Variants in ANKRD36C observed in about 807,000 individuals in gnomAD.
The protein encoded by ANKRD36C is ankyrin repeat domain-containing protein 36C.
A neutral mutation model predicts 276.4 loss-of-function variants in ANKRD36C; 61 were observed. The ratio of observed to expected loss-of-function variants is 0.22; its 90% confidence interval spans 0.18 to 0.27. The LOEUF (loss-of-function observed/expected upper bound fraction) is 0.27, where lower values mean the gene tolerates loss of function less well. Ranked by LOEUF, ANKRD36C falls within the 10% of genes least tolerant of loss-of-function variation. The pLI is 1.00. For synonymous variants in ANKRD36C, 483 were observed against 680.1 expected (o/e 0.71, Z 4.51); for missense variants, 1,447 against 2,032.3 (o/e 0.71, Z 5.54).
chr2:95,944,458 C>G (rs549274639), intron 19 of ANKRD36C, among the ~76,000 whole-genome samples, 169 bp downstream of exon 19: 1 of 152,054 alleles, frequency 6.6e-6, no homozygotes, highest in African/African-American at 2.4e-5. Flanking sequence ...TCCTTGTCAT[C>G]GTTATAAAGA....
At chr2:95,965,298 C>A (rs1410794751) in intron 6 of ANKRD36C, among the ~76,000 whole-genome samples, 1 of 151,762 alleles carries the variant, frequency 6.6e-6, no homozygotes, top group African/African-American at 2.4e-5. Flanking sequence ...TCTTCAAGGG[C>A]CTATTTGTCA....
intron 25 of ANKRD36C, 41 bp from the exon 26 acceptor site, chr2:95,929,185 G>A (rs1449636850): frequency 1.3e-6 from 2 of 1,597,950 alleles, no homozygotes; most frequent in South Asian, 1.1e-5. Context: ...ATGTAAAGTA[G>A]GTTTCATAGA....
intron 64 of ANKRD36C, 112 bp from the exon 85 acceptor site, chr2:95,852,308 T>G (rs984943516): frequency 1.2e-5 from 10 of 851,174 alleles, no homozygotes; most frequent in African/African-American, 8.7e-5. Flanking sequence ...AGAATCTTTT[T>G]TATTTATAAA....
Position 95,910,457 on chromosome 2 carries a change from T to A in ANKRD36C, c.2653+1787A>T. On this transcript the variant is annotated intron_variant, in intron 42 of 66. Transcript: ENST00000456556. ...TCGTCACTTGTAGCCTGAATAGAAT[T>A]TGAAACGAAATAATAAATAAATAAA... 4 of 1,578,968 alleles carry A rather than the reference T, an allele frequency of 2.5e-6. No homozygotes were observed. The highest frequency in any genetic ancestry group is 3.4e-6 in the Non-Finnish European group (4 of 1,162,754).
At chr2:95,978,354 T>C (rs1678854574) in intron 5 of ANKRD36C, among the ~76,000 whole-genome samples, 165 bp from the exon 6 acceptor site, 2 of 152,072 alleles carry the variant, frequency 1.3e-5, no homozygotes, top group Admixed American at 1.3e-4. Flanking sequence ...TCTAATTAAA[T>C]AATAATAACA....
chr2:95,910,204 T>C (rs1573757026), intron 42 of ANKRD36C, among the ~76,000 whole-genome samples, 169 bp downstream of exon 46: 1 of 151,444 alleles, frequency 6.6e-6, no homozygotes, highest in East Asian at 2.0e-4. Context: ...AAGGTCATGT[T>C]CCAGACCAGC....
intron 36 of ANKRD36C, among the ~76,000 whole-genome samples, chr2:95,917,387 C>CT (rs1309239283): frequency 6.6e-6 from 1 of 151,586 alleles, no homozygotes; most frequent in East Asian, 2.0e-4. Flanking sequence ...GACAATCCAT[C>CT]ATCCTTTGGA....
chr2:95,902,012 T>C (rs1467924797), intron 42 of ANKRD36C, among the ~76,000 whole-genome samples: 2 of 146,360 alleles, frequency 1.4e-5, no homozygotes, highest in African/African-American at 5.0e-5. Flanking sequence ...AAAATGACCA[T>C]TTTAGGAGTT....
intron 60 of ANKRD36C, among the ~76,000 whole-genome samples, chr2:95,860,486 T>C (rs1267638985): frequency 6.6e-6 from 1 of 152,208 alleles, no homozygotes; most frequent in Non-Finnish European, 1.5e-5. Context: ...GTTTGCAGCA[T>C]GTGCTGTGCT....
chr2:95,931,264 CCT>C (rs1677560723), intron 24 of ANKRD36C, among the ~76,000 whole-genome samples: 2 of 151,348 alleles, frequency 1.3e-5, no homozygotes, highest in East Asian at 3.9e-4. Context: ...CCCATTGCCT[CCT>C]CTCTCCCATA....
At chr2:95,934,235 T>C (rs7561235) in intron 24 of ANKRD36C, among the ~76,000 whole-genome samples, 130,117 of 151,988 alleles carry the variant, frequency 0.86, 56,106 homozygotes, top group African/African-American at 0.96. Flanking sequence ...CCATTTGACT[T>C]AGCAATCCCA....
exon 36 of ANKRD36C, chr2:95,917,915 C>T (rs1402531428): frequency 1.9e-6 from 3 of 1,606,716 alleles, no homozygotes; most frequent in East Asian, 2.3e-5. Flanking sequence ...GAATCTTCCT[C>T]GTCAGTTGTA....
At chr2:95,967,096 G>C (rs1210045823) in intron 6 of ANKRD36C, among the ~76,000 whole-genome samples, 1 of 152,152 alleles carries the variant, frequency 6.6e-6, no homozygotes, top group African/African-American at 2.4e-5. Flanking sequence ...CATGTCATCT[G>C]CAAACAGAGA....
intron 19 of ANKRD36C, among the ~76,000 whole-genome samples, chr2:95,941,912 A>G (rs2104465173): frequency 6.6e-6 from 1 of 152,428 alleles, no homozygotes; most frequent in South Asian, 2.1e-4. Context: ...GGTAGAAAAT[A>G]CAAAATTTGG....
chr2:95,891,770 A>C (rs940588431), intron 45 of ANKRD36C, 33 bp from the exon 66 acceptor site: 4 of 1,563,276 alleles, frequency 2.6e-6, no homozygotes, highest in East Asian at 2.4e-5. Flanking sequence ...TAATAAATTA[A>C]TAAAGTATGT....
exon 63 of ANKRD36C, chr2:95,856,146 T>C (rs1457931473): frequency 7.5e-6 from 12 of 1,607,102 alleles, no homozygotes; most frequent in South Asian, 1.1e-5. Context: ...GCGGTTTTCA[T>C]GCAGCAGGTC....
At chr2:95,990,305 T>C (rs1186899438) in intron 1 of ANKRD36C, among the ~76,000 whole-genome samples, 1 of 152,248 alleles carries the variant, frequency 6.6e-6, no homozygotes, top group Non-Finnish European at 1.5e-5. Context: ...TATCCAATTC[T>C]ATTAGATTGG....
intron 65 of ANKRD36C, 145 bp downstream of exon 85, chr2:95,851,981 G>A: frequency 2.7e-6 from 3 of 1,097,048 alleles, no homozygotes; most frequent in East Asian, 2.6e-5. Flanking sequence ...GTAGAAAAAT[G>A]ATGTATGTCA....
chr2:95,914,414 T>A (rs1178194779), intron 38 of ANKRD36C, 111 bp from the exon 41 acceptor site: 1 of 1,357,278 alleles, frequency 7.4e-7, no homozygotes, highest in African/African-American at 1.5e-5. Flanking sequence ...ATTAGCGTAG[T>A]CTTTGATGGC....
Sources: allele counts gnomAD v4.1 joint callset (sites outside exome capture counted in the v4.1 genomes callset), GRCh38; gene constraint gnomAD v4.1.1; transcripts MANE v1.5; gene names NCBI Gene and HGNC (gene_info 2026-07-23, HGNC 2026-07-21).